The following SNTG1 variants were observed in gnomAD, a reference collection of about 807,000 sequenced individuals.
The protein encoded by SNTG1 is syntrophin gamma 1.
Under a neutral mutation model 74.7 loss-of-function variants are expected in SNTG1, and 39 were observed. The observed-to-expected ratio is 0.52, with a 90% CI of 0.40 to 0.68. SNTG1 has a LOEUF of 0.68. Among genes scored for constraint, SNTG1 ranks in the 30% least tolerant of loss-of-function variants. The probability of loss-of-function intolerance (pLI) is 0.00; values close to 1 mark genes in which losing one functional copy is unlikely to be tolerated. For missense variants in SNTG1, 685 were observed against 609.5 expected (o/e 1.12, Z -1.30); for synonymous variants, 254 against 217.1 (o/e 1.17, Z -1.49).
chr8:50,370,695 C>A (rs2092246819), intron 2 of SNTG1, among the ~76,000 whole-genome samples: 1 of 152,106 alleles, frequency 6.6e-6, no homozygotes, highest in African/African-American at 2.4e-5. Context: ...GCCATCCCCA[C>A]CTCCGCTCCT....
chr8:50,332,444 GT>G (rs528018318), intron 2 of SNTG1, among the ~76,000 whole-genome samples: 41 of 145,252 alleles, frequency 2.8e-4, no homozygotes, highest in African/African-American at 4.0e-4. Context: ...CTTAAGCCTT[GT>G]TTTTTTTTTT....
At chr8:49,982,635 A>AGTGTGTGTGTGT (rs35133955) in intron 1 of SNTG1, among the ~76,000 whole-genome samples, 3 of 143,158 alleles carry the variant, frequency 2.1e-5, no homozygotes, top group African/African-American at 7.9e-5. Context: ...AGCCCAAAAC[A>AGTGTGTGTGTGT]GTGTGTGTGT....
chr8:50,387,189 G>A (rs762898015), intron 2 of SNTG1, among the ~76,000 whole-genome samples: 4 of 152,038 alleles, frequency 2.6e-5, no homozygotes, highest in African/African-American at 9.7e-5. Context: ...TGCCACTTGG[G>A]CCCTGTCATC....
chr8:50,281,870 T>C (rs954169332), intron 2 of SNTG1, among the ~76,000 whole-genome samples: 1 of 152,204 alleles, frequency 6.6e-6, no homozygotes, highest in Non-Finnish European at 1.5e-5. Flanking sequence ...CTGGAACTTA[T>C]GAGATATAGC....
At chr8:49,984,936 A>C (rs915857856) in intron 1 of SNTG1, among the ~76,000 whole-genome samples, 1 of 151,636 alleles carries the variant, frequency 6.6e-6, no homozygotes, top group Non-Finnish European at 1.5e-5. Context: ...CTGTTGGAGT[A>C]TGTTTTTTTT....
At chr8:50,456,726 A>G (rs1166031791) in intron 8 of SNTG1, among the ~76,000 whole-genome samples, 2 of 152,114 alleles carry the variant, frequency 1.3e-5, no homozygotes, top group Admixed American at 1.3e-4. Context: ...AAACCTTAGC[A>G]CCTTCTAATA....
At chr8:50,193,281 G>A (rs2083643926) in intron 2 of SNTG1, among the ~76,000 whole-genome samples, 1 of 152,096 alleles carries the variant, frequency 6.6e-6, no homozygotes, top group Non-Finnish European at 1.5e-5. Flanking sequence ...CTATCCATGA[G>A]CATGGGATGT....
At chr8:50,191,048 A>C (rs2083555316) in intron 2 of SNTG1, among the ~76,000 whole-genome samples, 1 of 152,020 alleles carries the variant, frequency 6.6e-6, no homozygotes, top group African/African-American at 2.4e-5. Context: ...TTCTTTTTAC[A>C]TTTTACCATT....
At chr8:50,271,248 C>T (rs2087762633) in intron 2 of SNTG1, among the ~76,000 whole-genome samples, 1 of 152,132 alleles carries the variant, frequency 6.6e-6, no homozygotes, top group African/African-American at 2.4e-5. Context: ...ATTATGCCAA[C>T]AAATTTCGTG....
chr8:50,563,067 G>T (rs747877963), intron 12 of SNTG1, among the ~76,000 whole-genome samples: 4 of 152,140 alleles, frequency 2.6e-5, no homozygotes, highest in Non-Finnish European at 5.9e-5. Context: ...ACGAGAATAA[G>T]GAACTGCTGT....
Position 50,708,954 on chromosome 8 carries a change from T to C in SNTG1, c.1260T>C (p.Phe420=). 1 of 1,613,822 alleles carries C rather than the reference T, an allele frequency of 6.2e-7. No homozygotes were observed. Among genetic ancestry groups the C allele is most frequent in the Non-Finnish European group, 8.5e-7 (1 of 1,179,858 alleles). Residue 420 remains phenylalanine, a synonymous_variant, in exon 17 of 19, where the codon TTT becomes TTC. Coordinates refer to ENST00000642720, the MANE Select transcript of SNTG1 (RefSeq NM_018967.5). ...MGLTIDFSTG[F]ICFDAATKAV... ...TCACAATTGATTTCAGCACAGGATT[T>C]ATCTGCTTTGATGCTGCAACAAAGG... is the stretch of plus-strand genomic sequence containing the variant.
chr8:50,275,450 T>C (rs1234269541), intron 2 of SNTG1, among the ~76,000 whole-genome samples: 1 of 152,214 alleles, frequency 6.6e-6, no homozygotes, highest in Non-Finnish European at 1.5e-5. Flanking sequence ...TATTAGTTTA[T>C]ATCTTTAAAA....
At chr8:50,043,384 G>A (rs1039741395) in intron 1 of SNTG1, among the ~76,000 whole-genome samples, 3 of 152,184 alleles carry the variant, frequency 2.0e-5, no homozygotes, top group Admixed American at 2.0e-4. Context: ...ACAAATGTAT[G>A]CTATATATGG....
intron 2 of SNTG1, among the ~76,000 whole-genome samples, chr8:50,173,132 G>A (rs1361983851): frequency 6.6e-6 from 1 of 152,112 alleles, no homozygotes; most frequent in Non-Finnish European, 1.5e-5. Context: ...GTTCTCTTTT[G>A]TTTGTTCAGA....
At chr8:50,539,035 T>C (rs1158434444) in intron 11 of SNTG1, among the ~76,000 whole-genome samples, 1 of 152,184 alleles carries the variant, frequency 6.6e-6, no homozygotes, top group Admixed American at 6.6e-5. Flanking sequence ...AAATAACTTC[T>C]TTTTTGAAGT....
intron 1 of SNTG1, among the ~76,000 whole-genome samples, chr8:50,167,760 T>A (rs768860304): frequency 1.4e-5 from 2 of 147,934 alleles, no homozygotes; most frequent in Non-Finnish European, 3.0e-5. Flanking sequence ...TTGCAGTGAG[T>A]CATGATCACA....
chr8:50,053,552 G>T (rs1244428788), intron 1 of SNTG1, among the ~76,000 whole-genome samples: 1 of 151,366 alleles, frequency 6.6e-6, no homozygotes, highest in African/African-American at 2.4e-5. Context: ...GACTTCAAAA[G>T]TGAACTTCAT....
At chr8:50,146,539 AAAAC>A (rs147578913) in intron 1 of SNTG1, among the ~76,000 whole-genome samples, 12,174 of 151,954 alleles carry the variant, frequency 0.08, 488 homozygotes, top group Middle Eastern at 0.12. Context: ...CAAAAACACA[AAAAC>A]AAACAAACAA....
intron 2 of SNTG1, among the ~76,000 whole-genome samples, chr8:50,327,380 T>C (rs2090790155): frequency 6.6e-6 from 1 of 152,148 alleles, no homozygotes; most frequent in Non-Finnish European, 1.5e-5. Flanking sequence ...CTATTAAATC[T>C]TTTTAGAGAG....
Sources: allele counts gnomAD v4.1 joint callset (sites outside exome capture counted in the v4.1 genomes callset), GRCh38; gene constraint gnomAD v4.1.1; transcripts MANE v1.5; gene names NCBI Gene and HGNC (gene_info 2026-07-23, HGNC 2026-07-21).